RIC1: variants seen among roughly 807,000 people sequenced by gnomAD.
RIC1 encodes the protein guanine nucleotide exchange factor subunit RIC1.
In RIC1, 88 loss-of-function variants were observed where a neutral mutation model predicts 169.0. That is an observed-to-expected ratio of 0.52 (90% confidence interval 0.44 to 0.62). RIC1 has a LOEUF of 0.62. Among genes scored for constraint, RIC1 ranks in the 20% least tolerant of loss-of-function variants. RIC1 has a pLI of 0.00. For missense variants in RIC1, 1,877 were observed against 1,725.5 expected, an observed-to-expected ratio of 1.09 and a Z score of -1.56; for synonymous variants, 790 against 601.5, an observed-to-expected ratio of 1.31 and a Z score of -4.59.
At chr9:5,738,112 A>G (rs1263362606) in intron 7 of RIC1, among the ~76,000 whole-genome samples, 4 of 152,162 alleles carry the variant, frequency 2.6e-5, no homozygotes, top group Admixed American at 6.5e-5. Context: ...ATAGTATTAT[A>G]TTGCTATACC....
intron 1 of RIC1, among the ~76,000 whole-genome samples, chr9:5,647,935 T>TGGG (rs113430850): frequency 1.3e-5 from 1 of 74,746 alleles, no homozygotes; most frequent in Admixed American, 1.7e-4. Flanking sequence ...TGTGTGGGGG[T>TGGG]GGGTGGTGGT....
intron 2 of RIC1, among the ~76,000 whole-genome samples, chr9:5,658,218 A>G (rs1267786702): frequency 6.6e-6 from 1 of 152,134 alleles, no homozygotes; most frequent in Non-Finnish European, 1.5e-5. Flanking sequence ...GGTTTCTTTT[A>G]TTATTGAATT....
At chr9:5,751,669 T>C (rs1825733007) in intron 12 of RIC1, among the ~76,000 whole-genome samples, 1 of 152,344 alleles carries the variant, frequency 6.6e-6, no homozygotes, top group Middle Eastern at 3.4e-3. Context: ...GTGAATTTTA[T>C]TAATTTATTA....
chr9:5,664,184 C>T (rs191282484), intron 2 of RIC1, among the ~76,000 whole-genome samples: 33 of 151,740 alleles, frequency 2.2e-4, no homozygotes, highest in South Asian at 4.2e-4. Flanking sequence ...CCAAGGCGGG[C>T]GGATAACGAG....
chr9:5,752,543 C>A (rs1035847489), intron 12 of RIC1, among the ~76,000 whole-genome samples: 1 of 151,584 alleles, frequency 6.6e-6, no homozygotes, highest in Non-Finnish European at 1.5e-5. Flanking sequence ...CGGGTTCAAG[C>A]GATTGTCCTG....
intron 12 of RIC1, among the ~76,000 whole-genome samples, chr9:5,751,914 A>G (rs1039111474): frequency 6.6e-6 from 1 of 152,192 alleles, no homozygotes; most frequent in African/African-American, 2.4e-5. Flanking sequence ...TTAATTTGGC[A>G]TTTAGTTTTT....
At chr9:5,751,301 T>A (rs905308714) in intron 12 of RIC1, among the ~76,000 whole-genome samples, 5 of 151,868 alleles carry the variant, frequency 3.3e-5, no homozygotes, top group Non-Finnish European at 7.3e-5. Flanking sequence ...ACCCAATCAT[T>A]ACCTTAAGTG....
chr9:5,681,017 G>A lies in RIC1; in HGVS notation c.253-8942G>A, dbSNP rs916144064. 4.6e-5 allele frequency among the ~76,000 whole-genome samples: 7 copies of A among 150,568 alleles called. No individual in the cohort carries two copies. The East Asian group carries it at 7.8e-4, about 17-fold the overall frequency. On this transcript the variant is annotated intron_variant, in intron 2 of 25. Coordinates refer to ENST00000414202, the MANE Select transcript of RIC1 (RefSeq NM_020829.4). ...AATTTTTTGTATTTTTAGTAGAGAC[G>A]GGGTTTCACCTTGTTAGCCAGGATG...
At chr9:5,701,835 A>G (rs1345016380) in intron 3 of RIC1, among the ~76,000 whole-genome samples, 2 of 152,196 alleles carry the variant, frequency 1.3e-5, no homozygotes, top group African/African-American at 4.8e-5. Context: ...TAGTTTCTCA[A>G]GCACATGACT....
At chr9:5,699,243 T>G (rs1822076816) in intron 3 of RIC1, among the ~76,000 whole-genome samples, 1 of 152,210 alleles carries the variant, frequency 6.6e-6, no homozygotes, top group Admixed American at 6.5e-5. Context: ...AGTACTGTAG[T>G]TTCCTCCCAC....
intron 3 of RIC1, chr9:5,712,883 T>A (rs1484425954): frequency 6.6e-6 from 1 of 152,122 alleles, no homozygotes; most frequent in African/African-American, 2.4e-5. Context: ...TTAGAAGGAA[T>A]TAAGTAAGTA....
chr9:5,745,393 A>T (rs1465536619), intron 10 of RIC1, among the ~76,000 whole-genome samples: 1 of 152,174 alleles, frequency 6.6e-6, no homozygotes, highest in East Asian at 1.9e-4. Context: ...GAACCTTCTC[A>T]TTTTACAGAG....
intron 6 of RIC1, among the ~76,000 whole-genome samples, chr9:5,723,939 C>A (rs577504376): frequency 1.3e-5 from 2 of 152,108 alleles, no homozygotes; most frequent in Non-Finnish European, 2.9e-5. Context: ...GGTACCAGTA[C>A]CATGCTGTTT....
At chr9:5,668,503 C>A (rs951546562) in intron 2 of RIC1, among the ~76,000 whole-genome samples, 1 of 152,194 alleles carries the variant, frequency 6.6e-6, no homozygotes, top group African/African-American at 2.4e-5. Flanking sequence ...CTCCATACTT[C>A]TATTCCTATA....
intron 2 of RIC1, 57 bp from the exon 3 acceptor site, chr9:5,689,902 A>G (rs777127974): frequency 8.8e-7 from 1 of 1,134,060 alleles, no homozygotes; most frequent in Non-Finnish European, 1.3e-6. Flanking sequence ...ATTAAAATTC[A>G]GGGTTACAGT....
At position 5,676,684 on chromosome 9, in the gene RIC1, A is replaced by G. The variant is rs571531929; in HGVS notation, c.253-13275A>G. On this transcript the variant is annotated intron_variant, in intron 2 of 25. Transcript: ENST00000414202. Reference sequence around the variant, plus strand: ...GGCACTTTTTTAATGGGGTTTAAAGAAAAAAATTGCTCTACTGTTTTAAGA... The same window carrying G: ...GGCACTTTTTTAATGGGGTTTAAAGGAAAAAATTGCTCTACTGTTTTAAGA... Among the ~76,000 whole-genome samples, 26 of 152,344 alleles carry G rather than the reference A, an allele frequency of 1.7e-4. No individual in the cohort carries two copies. In the East Asian group the frequency reaches 4.8e-3, roughly 28 times the overall value.
rs1369410754 is a variant in RIC1, at chr9:5,738,524, C to G, written c.887C>G (p.Ala296Gly). The change falls in exon 8 of 26, where the codon GCA becomes GGA. Residue 296 changes from alanine to glycine, a missense_variant. Coordinates refer to ENST00000414202, the MANE Select transcript of RIC1 (RefSeq NM_020829.4). ...CTATCTCATAAATTAGAGCTAACAG[C>G]AAAACAGTATCCTGGTGAGTCTTTT... ...MLLSHKLELT[A>G]KQYPDIWNKT... 4 of 1,487,842 alleles carry G rather than the reference C, an allele frequency of 2.7e-6. No homozygotes were observed. Among genetic ancestry groups the G allele is most frequent in the Non-Finnish European group, 3.7e-6 (4 of 1,082,092 alleles). The allele number at this position is 1,487,842 out of a possible 1,614,324, so 92.2% of individuals were successfully genotyped here. A position where few individuals can be genotyped will look rare whatever the true frequency, so the allele number is the denominator to read the frequency against.
At chr9:5,711,599 A>G (rs1156354396) in intron 3 of RIC1, among the ~76,000 whole-genome samples, 1 of 150,892 alleles carries the variant, frequency 6.6e-6, no homozygotes, top group East Asian at 1.9e-4. Context: ...ATTATACTTT[A>G]AGTTCTAGGG....
At chr9:5,728,164 G>C (rs1050661398) in intron 6 of RIC1, among the ~76,000 whole-genome samples, 1 of 152,242 alleles carries the variant, frequency 6.6e-6, no homozygotes, top group Non-Finnish European at 1.5e-5. Context: ...GAGGCAGGCA[G>C]GCCTCCTTGA....
Sources: allele counts gnomAD v4.1 joint callset (sites outside exome capture counted in the v4.1 genomes callset), GRCh38; gene constraint gnomAD v4.1.1; transcripts MANE v1.5; gene names NCBI Gene and HGNC (gene_info 2026-07-23, HGNC 2026-07-21).